PAX5: variants seen among roughly 807,000 people sequenced by gnomAD.
The protein encoded by PAX5 is paired box protein Pax-5.
A neutral mutation model predicts 43.7 loss-of-function variants in PAX5; 9 were observed. The ratio of observed to expected loss-of-function variants is 0.21; its 90% CI spans 0.12 to 0.36. The LOEUF is 0.36. Ranked by LOEUF, PAX5 falls within the 10% of genes least tolerant of loss-of-function variation. PAX5 has a pLI of 1.00. For missense variants in PAX5, 383 were observed against 532.7 expected, an observed-to-expected ratio of 0.72 and a Z score of 2.77; for synonymous variants, 228 against 214.3, an observed-to-expected ratio of 1.06 and a Z score of -0.56.
intron 6 of PAX5, among the ~76,000 whole-genome samples, chr9:36,924,754 A>AAAGAGAAAG (rs1830473530): frequency 3.4e-5 from 3 of 87,398 alleles, no homozygotes; most frequent in African/African-American, 4.6e-5. Context: ...GAAGGAAGGA[A>AAAGAGAAAG]GGAAGGAAGG....
At chr9:36,868,356 A>C (rs1587817494) in intron 8 of PAX5, among the ~76,000 whole-genome samples, 1 of 152,326 alleles carries the variant, frequency 6.6e-6, no homozygotes, top group East Asian at 1.9e-4. Context: ...AGGATCTGAG[A>C]GGAATTCCGG....
rs781174014 is a variant in PAX5 at position 37,033,975 on chromosome 9, C to G, written c.46+11G>C. On this transcript the variant is annotated intron_variant, in intron 1 of 9. Coordinates refer to ENST00000358127, the MANE Select transcript of PAX5 (RefSeq NM_016734.3). Reference sequence around the variant, plus strand: ...GAGTTTGCACATCTGGAGCCCGTATCGCGGTCCTACCTGTCCTGCTGGTCC... The same window carrying G: ...GAGTTTGCACATCTGGAGCCCGTATGGCGGTCCTACCTGTCCTGCTGGTCC... The G allele has an allele frequency of 6.2e-7, 1 of 1,611,474 alleles. No homozygotes were observed. Among genetic ancestry groups the G allele is most frequent in the Non-Finnish European group, 8.5e-7 (1 of 1,179,402 alleles).
Position 37,002,667 on chromosome 9 carries a change from G to A in PAX5, c.585C>T (p.Asn195=). Residue 195 remains asparagine (N), a synonymous_variant, in exon 5 of 10, where the codon AAC becomes AAT. Coordinates refer to ENST00000358127, the MANE Select transcript of PAX5 (RefSeq NM_016734.3). ...TCTTACCTTCGTCTCTCTTGCGCTT[G>A]TTGGTGTCGGCGCTGGGGGACGTGA... ...LGITSPSADT[N]KRKRDEGIQE... is the part of the protein sequence containing the mutation. The A allele has an allele frequency of 6.2e-7, 1 of 1,612,078 alleles. No homozygotes were observed. The highest frequency in any genetic ancestry group is 8.5e-7 in the Non-Finnish European group (1 of 1,179,336).
chr9:36,871,588 A>C (rs564907741), intron 8 of PAX5, among the ~76,000 whole-genome samples: 4 of 152,220 alleles, frequency 2.6e-5, no homozygotes, highest in Non-Finnish European at 4.4e-5. Context: ...ATCACAGCCC[A>C]GTCGTTTTGT....
At chr9:36,941,147 C>A (rs1306051540) in intron 6 of PAX5, among the ~76,000 whole-genome samples, 1 of 152,202 alleles carries the variant, frequency 6.6e-6, no homozygotes, top group East Asian at 1.9e-4. Context: ...AGCCAGCAGG[C>A]TCAGGAAGCA....
chr9:36,884,042 TG>T (rs1489798366), intron 7 of PAX5, among the ~76,000 whole-genome samples: 2 of 152,240 alleles, frequency 1.3e-5, no homozygotes, highest in Non-Finnish European at 2.9e-5. Flanking sequence ...GGAAAGTTTT[TG>T]TTTGTTATTC....
chr9:36,963,677 G>A (rs926916554), intron 6 of PAX5, among the ~76,000 whole-genome samples: 9 of 152,224 alleles, frequency 5.9e-5, no homozygotes, highest in South Asian at 2.1e-4. Context: ...TGCAGGCTGC[G>A]TGGTCTTCCT....
At chr9:37,019,850 G>A (rs1839707302) in intron 2 of PAX5, among the ~76,000 whole-genome samples, 1 of 152,146 alleles carries the variant, frequency 6.6e-6, no homozygotes, top group Non-Finnish European at 1.5e-5. Context: ...GGGTCCTTTA[G>A]GCGTCATTGC....
chr9:36,900,520 A>T (rs1828284587), intron 7 of PAX5, among the ~76,000 whole-genome samples: 1 of 152,266 alleles, frequency 6.6e-6, no homozygotes, highest in East Asian at 1.9e-4. Context: ...TCTGCTTAAC[A>T]AGCCAGAGAG....
intron 7 of PAX5, among the ~76,000 whole-genome samples, chr9:36,883,418 A>C (rs1447306987): frequency 6.6e-6 from 1 of 152,210 alleles, no homozygotes; most frequent in Non-Finnish European, 1.5e-5. Flanking sequence ...GCTGTGGTTC[A>C]CGCCTGTAAT....
rs148733648 is a variant in PAX5, at chr9:36,886,089, A to G, written c.911-3984T>C. Among the ~76,000 whole-genome samples the G allele has an allele frequency of 2.6e-3, 389 of 152,108 alleles. 1 individual carries two copies. The highest frequency in any genetic ancestry group is 9.0e-3 in the African/African-American group (374 of 41,496). ...TATGTCCTGGCTAGCCTGCAGGTCC[A>G]AGGAGAGGGGGCACATGTGGAGCAG... On this transcript the variant is annotated intron_variant, in intron 7 of 9. Transcript: ENST00000358127.
chr9:36,842,717 T>A (rs1371821918), intron 9 of PAX5, among the ~76,000 whole-genome samples: 1 of 152,160 alleles, frequency 6.6e-6, no homozygotes, highest in Non-Finnish European at 1.5e-5. Flanking sequence ...TCCCTTCACA[T>A]CGGCCACAGG....
intron 7 of PAX5, among the ~76,000 whole-genome samples, chr9:36,914,508 T>TA (rs1261180447): frequency 6.6e-6 from 1 of 152,214 alleles, no homozygotes; most frequent in Non-Finnish European, 1.5e-5. Flanking sequence ...TCTTGCAGTT[T>TA]AAACATACAG....
chr9:36,966,754 G>A lies in PAX5; in HGVS notation c.605-30C>T, dbSNP rs765905038. The A allele has an allele frequency of 4.1e-5, 66 of 1,605,238 alleles. No homozygotes were observed. The Admixed American group carries it at 8.4e-4, about 20-fold the overall frequency. On this transcript the variant is annotated intron_variant, in intron 5 of 9. Coordinates refer to ENST00000358127, the MANE Select transcript of PAX5 (RefSeq NM_016734.3). Reference sequence around the variant, plus strand: ...GATGAGCAGGAGAGAGGAAGGGTGAGTGGAGGTTATACACGTTGCTAAAGA... The same window carrying A: ...GATGAGCAGGAGAGAGGAAGGGTGAATGGAGGTTATACACGTTGCTAAAGA...
chr9:36,867,780 C>G (rs545785853), intron 8 of PAX5, among the ~76,000 whole-genome samples: 2 of 152,216 alleles, frequency 1.3e-5, no homozygotes, highest in African/African-American at 4.8e-5. Context: ...ATTTAAGTCT[C>G]CCTGTTTCGG....
chr9:36,903,428 A>G (rs1828563272), intron 7 of PAX5, among the ~76,000 whole-genome samples: 1 of 152,262 alleles, frequency 6.6e-6, no homozygotes, highest in African/African-American at 2.4e-5. Context: ...GCTTGAAAGC[A>G]AAAGAACAGA....
At chr9:36,955,778 A>ATATAT (rs1377679993) in intron 6 of PAX5, among the ~76,000 whole-genome samples, 28 of 76,982 alleles carry the variant, frequency 3.6e-4, no homozygotes, top group African/African-American at 9.7e-4. Context: ...TTCAAAAAAA[A>ATATAT]AAAAATATAT....
At chr9:36,921,412 G>A (rs901883853) in intron 7 of PAX5, among the ~76,000 whole-genome samples, 1 of 152,170 alleles carries the variant, frequency 6.6e-6, no homozygotes, top group Non-Finnish European at 1.5e-5. Context: ...AGAGTCAGAC[G>A]GCAAGGCAGT....
chr9:36,904,425 C>A (rs1035981317), intron 7 of PAX5, among the ~76,000 whole-genome samples: 1 of 152,212 alleles, frequency 6.6e-6, no homozygotes, highest in Non-Finnish European at 1.5e-5. Flanking sequence ...GCAAACACTT[C>A]TCTGGATGGG....
Sources: allele counts gnomAD v4.1 joint callset (sites outside exome capture counted in the v4.1 genomes callset), GRCh38; gene constraint gnomAD v4.1.1; transcripts MANE v1.5; gene names NCBI Gene and HGNC (gene_info 2026-07-23, HGNC 2026-07-21).